Variants in NRXN3 observed in about 807,000 individuals in gnomAD.
The protein encoded by NRXN3 is neurexin 3, also known as neurexin III.
NRXN3 carries 32 observed loss-of-function variants against 137.6 expected under a neutral mutation model. That is an observed-to-expected ratio of 0.23 (90% CI 0.18 to 0.31). The LOEUF is 0.31. Among genes scored for constraint, NRXN3 ranks in the 10% least tolerant of loss-of-function variants. The probability of loss-of-function intolerance (pLI) is 1.00; values close to 1 mark genes in which losing one functional copy is unlikely to be tolerated. For missense variants in NRXN3, 1,574 were observed against 2,062.5 expected, an observed-to-expected ratio of 0.76 and a Z score of 4.59; for synonymous variants, 798 against 784.5, an observed-to-expected ratio of 1.02 and a Z score of -0.29.
chr14:78,686,921 T>C (rs923639478), intron 6 of NRXN3, among the ~76,000 whole-genome samples: 3 of 152,200 alleles, frequency 2.0e-5, no homozygotes, highest in African/African-American at 7.2e-5. Flanking sequence ...CCTGCTTTCA[T>C]AGAGCTTGCA....
chr14:79,663,932 A>G lies in NRXN3; in HGVS notation c.3599A>G (p.Asn1200Ser), dbSNP rs1283871355. The change falls in exon 17 of 21, where the codon AAT becomes AGT. Residue 1200 changes from asparagine to serine, a missense_variant. Coordinates refer to ENST00000335750, the MANE Select transcript of NRXN3 (RefSeq NM_001330195.2). ...CTGCAGGTGGACAACTGGCCAGTGAATGAACATTATCCTACAGGTACATGT... is the reference window on the plus strand; with the variant it reads ...CTGCAGGTGGACAACTGGCCAGTGAGTGAACATTATCCTACAGGTACATGT... ...ATLQVDNWPVNEHYPTGNTDN... is the reference protein window; with the variant it reads ...ATLQVDNWPVSEHYPTGNTDN... The G allele has an allele frequency of 6.2e-7, 1 of 1,613,474 alleles. No homozygotes were observed. The highest frequency in any genetic ancestry group is 1.1e-5 in the South Asian group (1 of 91,080).
chr14:79,098,897 C>G (rs2050796573), intron 15 of NRXN3, among the ~76,000 whole-genome samples: 1 of 152,196 alleles, frequency 6.6e-6, no homozygotes, highest in Non-Finnish European at 1.5e-5. Context: ...TCAGACGCTT[C>G]CTATCCCACC....
chr14:79,759,840 A>G (rs1296811571), intron 19 of NRXN3, among the ~76,000 whole-genome samples: 1 of 151,682 alleles, frequency 6.6e-6, no homozygotes. Flanking sequence ...TTATCTGGCA[A>G]TGGAAGTCAG....
At chr14:78,726,051 A>G (rs1373794561) in intron 8 of NRXN3, among the ~76,000 whole-genome samples, 1 of 152,184 alleles carries the variant, frequency 6.6e-6, no homozygotes. Flanking sequence ...TGATCGATAT[A>G]CTTTACTACT....
chr14:79,417,132 T>G (rs1315646652), intron 15 of NRXN3, among the ~76,000 whole-genome samples: 2 of 152,138 alleles, frequency 1.3e-5, no homozygotes, highest in Non-Finnish European at 2.9e-5. Context: ...TTTCCTCGTG[T>G]GTATGATGGA....
intron 6 of NRXN3, among the ~76,000 whole-genome samples, chr14:78,653,441 C>T (rs908207096): frequency 6.6e-6 from 1 of 152,126 alleles, no homozygotes; most frequent in Non-Finnish European, 1.5e-5. Flanking sequence ...CTGTGGAGTG[C>T]TCATTCAGTT....
At chr14:78,931,008 G>C (rs2099320145) in intron 10 of NRXN3, among the ~76,000 whole-genome samples, 1 of 152,182 alleles carries the variant, frequency 6.6e-6, no homozygotes, top group Non-Finnish European at 1.5e-5. Flanking sequence ...TGGATGACCT[G>C]ATATTTAATA....
chr14:78,906,180 CATTAT>C (rs1401490803), intron 10 of NRXN3, among the ~76,000 whole-genome samples: 3 of 151,934 alleles, frequency 2.0e-5, no homozygotes, highest in African/African-American at 7.2e-5. Context: ...GAGATTTCAC[CATTAT>C]ATTATATAAT....
chr14:78,636,853 C>T (rs1007794757), intron 4 of NRXN3, among the ~76,000 whole-genome samples: 4 of 149,252 alleles, frequency 2.7e-5, no homozygotes, highest in Non-Finnish European at 1.5e-5. Context: ...TAGCAATATC[C>T]GTCCTATCTT....
At chr14:78,251,127 G>A (rs940391545) in intron 2 of NRXN3, among the ~76,000 whole-genome samples, 2 of 152,208 alleles carry the variant, frequency 1.3e-5, no homozygotes, top group Admixed American at 6.5e-5. Context: ...TCGCTGGACA[G>A]GATGACCTCT....
intron 1 of NRXN3, among the ~76,000 whole-genome samples, chr14:78,236,356 A>C (rs1039032149): frequency 1.3e-5 from 2 of 152,232 alleles, no homozygotes; most frequent in Non-Finnish European, 2.9e-5. Context: ...TATGTGTCTT[A>C]CTTTGCTCAA....
At chr14:79,600,913 G>C (rs575080335) in intron 16 of NRXN3, among the ~76,000 whole-genome samples, 1 of 151,958 alleles carries the variant, frequency 6.6e-6, no homozygotes, top group Non-Finnish European at 1.5e-5. Flanking sequence ...GGAAGGGATG[G>C]TATGAAAGGA....
At chr14:78,818,217 A>G (rs1489894074) in intron 10 of NRXN3, among the ~76,000 whole-genome samples, 2 of 152,044 alleles carry the variant, frequency 1.3e-5, no homozygotes, top group Non-Finnish European at 2.9e-5. Context: ...AGTGAGAGAG[A>G]GAAATATCTA....
intron 5 of NRXN3, among the ~76,000 whole-genome samples, chr14:78,648,783 G>T (rs753696032): frequency 1.4e-4 from 22 of 152,114 alleles, no homozygotes; most frequent in Non-Finnish European, 2.8e-4. Context: ...CAAAATATTT[G>T]TATTTCAGTT....
intron 2 of NRXN3, among the ~76,000 whole-genome samples, chr14:78,249,402 G>T (rs1340918939): frequency 6.6e-6 from 1 of 152,226 alleles, no homozygotes; most frequent in Non-Finnish European, 1.5e-5. Context: ...ATCTCCATTT[G>T]CAGGCTGCTC....
intron 15 of NRXN3, among the ~76,000 whole-genome samples, chr14:79,059,255 T>TTTTTTTTTTTTTTTC (rs2099670917): frequency 4.0e-5 from 1 of 25,106 alleles, no homozygotes; most frequent in African/African-American, 8.1e-5. Context: ...CTATTCTTTT[T>TTTTTTTTTTTTTTTC]TTTTTTTTTT....
At chr14:79,679,021 G>A (rs1436528993) in intron 17 of NRXN3, among the ~76,000 whole-genome samples, 2 of 151,496 alleles carry the variant, frequency 1.3e-5, no homozygotes, top group Non-Finnish European at 2.9e-5. Context: ...CTTCCACCAA[G>A]ATAATATATC....
rs1470754724 is a variant in NRXN3 at position 78,425,820 on chromosome 14, TG to T, written c.757+127962del. Among the ~76,000 whole-genome samples, 5 of 152,220 alleles carry T rather than the reference TG, an allele frequency of 3.3e-5. No homozygotes were observed. In the East Asian group the frequency reaches 9.6e-4, roughly 29 times the overall value. ...TTTTCTGAACCTCAGGGCTCCTGTC[TG>T]GCTAGTTATTTATTTAGCTGAGGAA... On this transcript the variant is annotated intron_variant, in intron 4 of 20. Coordinates refer to ENST00000335750, the MANE Select transcript of NRXN3 (RefSeq NM_001330195.2).
chr14:78,449,361 A>G (rs1402522945), intron 4 of NRXN3, among the ~76,000 whole-genome samples: 5 of 152,130 alleles, frequency 3.3e-5, no homozygotes, highest in Admixed American at 2.6e-4. Flanking sequence ...CACAGTCACA[A>G]GCCACCAGGC....
Sources: gnomAD v4.1 joint callset for allele counts (sites outside exome capture counted in the v4.1 genomes callset) on GRCh38, gnomAD v4.1.1 for gene constraint, MANE v1.5 for transcripts, NCBI Gene and HGNC (gene_info 2026-07-23, HGNC 2026-07-21) for gene names.